Variants in PLEKHG5 observed in about 807,000 individuals in gnomAD.
PLEKHG5 encodes the protein pleckstrin homology and RhoGEF domain containing G5.
A neutral mutation model predicts 103.8 loss-of-function variants in PLEKHG5; 52 were observed. The ratio of observed to expected loss-of-function variants is 0.50; its 90% CI spans 0.40 to 0.63. The LOEUF (loss-of-function observed/expected upper bound fraction) is 0.63. Ranked by LOEUF, PLEKHG5 falls within the 30% of genes least tolerant of loss-of-function variation. The probability of loss-of-function intolerance (pLI) is 0.00; values close to 1 mark genes in which losing one functional copy is unlikely to be tolerated. For missense variants in PLEKHG5, 1,205 were observed against 1,347.6 expected, an observed-to-expected ratio of 0.89 and a Z score of 1.66; for synonymous variants, 592 against 575.5, an observed-to-expected ratio of 1.03 and a Z score of -0.41.
chr1:6,496,895 G>A (rs1645233272), upstream of PLEKHG5: 4 of 1,385,284 alleles, frequency 2.9e-6, no homozygotes, highest in East Asian at 1.1e-4. Context: ...AGACTTCCCA[G>A]GGGGTCCCGG....
chr1:6,468,956 G>A, intron 19 of PLEKHG5, 86 bp downstream of exon 19: 1 of 1,117,088 alleles, frequency 9.0e-7, no homozygotes, highest in South Asian at 1.2e-5. Context: ...CCATTGGGAG[G>A]AAGGGAGCGT....
chr1:6,507,332 C>T (rs1046467415), intron 1 of PLEKHG5, among the ~76,000 whole-genome samples: 5 of 152,148 alleles, frequency 3.3e-5, no homozygotes, highest in Non-Finnish European at 5.9e-5. Context: ...TCAAAGCCAA[C>T]TTGGGGACCT....
rs767572360 is a variant in PLEKHG5 at position 6,473,113 on chromosome 1, G to A, written c.857C>T (p.Pro286Leu). The part of the protein sequence containing the change: ...KLHTYSLFGL[P>L]RLPRGLRFDH... ...GAAGCGCAGCCCCCGGGGCAGCCTG[G>A]GCAGCCCGAAGAGGCTGTAGGTGTG... The change falls in exon 9 of 21, where the codon CCC becomes CTC. Residue 286 changes from proline to leucine, a missense_variant. Transcript: ENST00000377728. The A allele has an allele frequency of 9.9e-6, 16 of 1,614,008 alleles. No homozygotes were observed. The South Asian group carries it at 1.8e-4, about 18-fold the overall frequency.
At chr1:6,488,627 C>T (rs1645084094) in intron 1 of PLEKHG5, among the ~76,000 whole-genome samples, 1 of 152,176 alleles carries the variant, frequency 6.6e-6, no homozygotes, top group African/African-American at 2.4e-5. Flanking sequence ...GGCAAGAGTG[C>T]AGAGCAGAAA....
intron 1 of PLEKHG5, among the ~76,000 whole-genome samples, chr1:6,480,860 C>A (rs983514768): frequency 6.6e-6 from 1 of 151,946 alleles, no homozygotes; most frequent in South Asian, 2.1e-4. Context: ...AGCCTGGTCT[C>A]GAACTCCTGG....
rs1319714040 is a variant in PLEKHG5, at chr1:6,505,402, G to GT, written c.-164-8834dup. ...GCCACCGCTGTTTGAAGCTCCCTGTGTGTCATCCCCATTAGTGCTCTCAGC... is the reference window on the plus strand; with the variant it reads ...GCCACCGCTGTTTGAAGCTCCCTGTGTTGTCATCCCCATTAGTGCTCTCAGC... On this transcript the variant is annotated intron_variant, in intron 1 of 21. Coordinates refer to the PLEKHG5 transcript ENST00000377740. The surrounding 1 kb of genome is among the most constrained non-coding windows in gnomAD (Gnocchi z 4.2). Among the ~76,000 whole-genome samples, 1 of 152,112 alleles carries GT rather than the reference G, an allele frequency of 6.6e-6. No individual in the cohort carries two copies. Among genetic ancestry groups the GT allele is most frequent in the Non-Finnish European group, 1.5e-5 (1 of 68,012 alleles).
rs528538881 is a variant in PLEKHG5, at chr1:6,475,640, G to A, written c.150-118C>T. The stretch of plus-strand genomic sequence containing the variant: ...TCACCCCAGGTGACAGGTAACCCGC[G>A]TGGATTCAACCCGGCCAGGCCCGCA... On this transcript the variant is annotated intron_variant, in intron 3 of 20. Coordinates refer to ENST00000377728, the MANE Select transcript of PLEKHG5 (RefSeq NM_020631.6). 4.4e-6 allele frequency: 4 copies of A among 915,226 alleles called. No homozygotes were observed. The African/African-American group carries it at 6.5e-5, about 15-fold the overall frequency. 56.7% of individuals were successfully genotyped at this position (915,226 alleles called of 1,614,324 possible).
At chr1:6,500,968 C>T (rs567892576), upstream of PLEKHG5, among the ~76,000 whole-genome samples, 4 of 152,298 alleles carry the variant, frequency 2.6e-5, no homozygotes, top group South Asian at 4.1e-4. Flanking sequence ...GGCCTCGGGG[C>T]GCGGGCAGAA....
chr1:6,474,720 C>T lies in PLEKHG5; in HGVS notation c.303-133G>A, dbSNP rs937328814. ...ACCTTCCCAACGGAAAAGGGAAGCC[C>T]GCATGGGATCACACGCAGGTCCACA... is the stretch of plus-strand genomic sequence containing the variant. On this transcript the variant is annotated intron_variant, in intron 5 of 20. Coordinates refer to ENST00000377728, the MANE Select transcript of PLEKHG5 (RefSeq NM_020631.6). 33 of 909,772 alleles carry T rather than the reference C, an allele frequency of 3.6e-5. No homozygotes were observed. In the Admixed American group the frequency reaches 4.2e-4, roughly 12 times the overall value. 56.4% of individuals were successfully genotyped at this position (909,772 alleles called of 1,614,324 possible).
In PLEKHG5 at chr1:6,474,599, A is replaced by G. The variant is rs548428032; in HGVS notation, c.303-12T>C. On this transcript the variant is annotated splice_polypyrimidine_tract_variant and intron_variant, in intron 5 of 20. Transcript: ENST00000377728. The stretch of plus-strand genomic sequence containing the variant: ...GCAGCAGCACCTCCCTGCCCCCAGG[A>G]CAGGAGGCATGTGTGTTAGAACCAG... 5.4e-5 allele frequency: 87 copies of G among 1,613,056 alleles called. No individual in the cohort carries two copies. The South Asian group carries it at 9.2e-4, about 17-fold the overall frequency.
chr1:6,469,452 T>G lies in PLEKHG5; in HGVS notation c.1934-2A>C, dbSNP rs1405080200. ...TCAGGTAGATAAGGAGGAAGGACCC[T>G]GGTTAGGGAAGGCCCAAGTCAGTGT... On this transcript the variant is annotated splice_acceptor_variant, in intron 17 of 20. Transcript: ENST00000377728. LOFTEE classifies it high-confidence loss of function. 1.2e-6 allele frequency: 2 copies of G among 1,613,734 alleles called. No homozygotes were observed. The highest frequency in any genetic ancestry group is 1.7e-6 in the Non-Finnish European group (2 of 1,179,922).
In PLEKHG5 at chr1:6,469,594, C is replaced by T. The variant is rs144245744; in HGVS notation, c.1883G>A (p.Arg628Lys). The T allele has an allele frequency of 6.1e-5, 98 of 1,613,744 alleles. No homozygotes were observed. Among genetic ancestry groups the T allele is most frequent in the Non-Finnish European group, 1.0e-5 (12 of 1,180,046 alleles). ...AATCTTGTCCACGAGCAGGGGTGGC[C>T]TGATGACCCTGGTCCTCTCTGCCTT... The part of the protein sequence containing the change: ...VKKAERTRVI[R>K]PPLLVDKIVC... Residue 628 changes from arginine (R) to lysine (K), a missense_variant, in exon 17 of 21, where the codon AGG (arginine) becomes AAG (lysine). Coordinates refer to ENST00000377728, the MANE Select transcript of PLEKHG5 (RefSeq NM_020631.6).
intron 2 of PLEKHG5, 132 bp from the exon 3 acceptor site, chr1:6,476,168 G>A: frequency 4.0e-6 from 3 of 750,606 alleles, no homozygotes; most frequent in Non-Finnish European, 7.0e-6. Context: ...CTTCAGTTCT[G>A]TGAGGAGAGG....
At chr1:6,484,189 A>G (rs1392226948) in intron 1 of PLEKHG5, among the ~76,000 whole-genome samples, 1 of 152,204 alleles carries the variant, frequency 6.6e-6, no homozygotes, top group East Asian at 1.9e-4. Flanking sequence ...AAGAGTCAGT[A>G]TTCAACAAAT....
intron 1 of PLEKHG5, among the ~76,000 whole-genome samples, chr1:6,504,724 C>G (rs1246842276): frequency 2.0e-5 from 3 of 152,126 alleles, no homozygotes; most frequent in Non-Finnish European, 4.4e-5. Flanking sequence ...CGCCCGCCAC[C>G]ACGCCCAGCT....
intron 12 of PLEKHG5, 92 bp from the exon 13 acceptor site, chr1:6,471,192 C>G (rs1404888064): frequency 9.5e-7 from 1 of 1,053,286 alleles, no homozygotes. Context: ...TTCCTTACTG[C>G]ACTTGGGCGA....
At chr1:6,496,916 G>A (rs1645233792), upstream of PLEKHG5, 2 of 1,462,088 alleles carry the variant, frequency 1.4e-6, no homozygotes, top group Non-Finnish European at 1.8e-6. Context: ...CAGGGCTGCT[G>A]GGGGGAAGGG....
In PLEKHG5 at chr1:6,467,765, G is replaced by T. The variant is rs45463998; in HGVS notation, c.3011+60C>A. 1.4e-3 allele frequency: 2,267 copies of T among 1,585,026 alleles called. 29 individuals carry two copies. In the African/African-American group the frequency reaches 0.026, roughly 18 times the overall value. ...CCCCAAATGCGATGCTCCCAGGCAT[G>T]AGTGGGCCCCCATGCCAGTGCCCTG... On this transcript the variant is annotated intron_variant, in intron 20 of 20. Coordinates refer to ENST00000377728, the MANE Select transcript of PLEKHG5 (RefSeq NM_020631.6).
intron 7 of PLEKHG5, 56 bp from the exon 8 acceptor site, chr1:6,473,510 C>T (rs1644662451): frequency 1.4e-6 from 2 of 1,408,468 alleles, no homozygotes; most frequent in Admixed American, 2.6e-5. Context: ...CATGGCCCCA[C>T]CCCAGGGCGG....
Sources: gnomAD v4.1 joint callset for allele counts (sites outside exome capture counted in the v4.1 genomes callset) on GRCh38, gnomAD v4.1.1 for gene constraint, Gnocchi (gnomAD v3.1) non-coding constraint, MANE v1.5 for transcripts, NCBI Gene and HGNC (gene_info 2026-07-23, HGNC 2026-07-21) for gene names.